STAG2: variants seen among roughly 807,000 people sequenced by gnomAD.
STAG2 encodes the protein STAG2 cohesin complex component.
Under a neutral mutation model 108.1 loss-of-function variants are expected in STAG2, and 14 were observed. The observed-to-expected ratio is 0.13, with a 90% confidence interval of 0.09 to 0.20. The LOEUF is 0.20. Ranked by LOEUF, STAG2 falls within the 10% of genes least tolerant of loss-of-function variation. The pLI is 1.00. For missense variants in STAG2, 440 were observed against 940.9 expected, an observed-to-expected ratio of 0.47 and a Z score of 6.96; for synonymous variants, 307 against 302.7, an observed-to-expected ratio of 1.01 and a Z score of -0.15.
At chrX:124,087,053 G>A (rs1314524584) in intron 30 of STAG2, among the ~76,000 whole-genome samples, 1 of 112,166 alleles carries the variant, frequency 8.9e-6, no homozygotes, top group Non-Finnish European at 1.9e-5. Context: ...CAGTTTCACT[G>A]TAGAGTGCCT....
At chrX:123,970,122 A>T (rs1381537047) in intron 1 of STAG2, among the ~76,000 whole-genome samples, 2 of 108,801 alleles carry the variant, frequency 1.8e-5, no homozygotes, top group East Asian at 5.7e-4. Flanking sequence ...GTTTATATTG[A>T]TCATTCCTTT....
intron 1 of STAG2, among the ~76,000 whole-genome samples, chrX:124,011,139 G>C (rs1189605554): frequency 2.7e-5 from 3 of 111,377 alleles, no homozygotes; most frequent in Non-Finnish European, 5.7e-5. Context: ...AGTTTTTGAT[G>C]CTGTTGTAAA....
At position 124,101,520 on chromosome X, in the gene STAG2, C is replaced by T. The variant is rs1373417199; in HGVS notation, c.*923C>T. 1.3e-5 allele frequency: 2 copies of T among 150,340 alleles called. No individual in the cohort carries two copies. The highest frequency in any genetic ancestry group is 3.1e-5 in the African/African-American group (1 of 32,162). The allele number at this position is 150,340 out of a possible 1,213,427, so 12.4% of individuals were successfully genotyped here. A position where few individuals can be genotyped will look rare whatever the true frequency, so the allele number is the denominator to read the frequency against. Reference sequence around the variant, plus strand: ...TAAATTGGTGCTGATTTTATAATTGCGCAGTTTGTTTAGTTTTTTCTTACT... The same window carrying T: ...TAAATTGGTGCTGATTTTATAATTGTGCAGTTTGTTTAGTTTTTTCTTACT... On this transcript the variant is annotated 3_prime_UTR_variant, in exon 35 of 35. Transcript: ENST00000371145.
At position 124,025,885 on chromosome X, in the gene STAG2, C is replaced by T. The variant is rs1255264404; in HGVS notation, c.90C>T (p.Ile30=). 6 of 1,185,978 alleles carry T rather than the reference C, an allele frequency of 5.1e-6. No homozygotes were observed. Among genetic ancestry groups the T allele is most frequent in the East Asian group, 3.1e-5 (1 of 32,461 alleles). The part of the protein sequence containing the change: ...HFSSDTDFED[I]EGKNQKQGKG... ...CTTCTGACACAGATTTTGAAGATATCGAAGGAAAAAACCAAAAGCAAGGCA... is the reference window on the plus strand; with the variant it reads ...CTTCTGACACAGATTTTGAAGATATTGAAGGAAAAAACCAAAAGCAAGGCA... The change falls in exon 4 of 35, where the codon ATC becomes ATT. Residue 30 remains isoleucine, a synonymous_variant. Coordinates refer to ENST00000371145, the MANE Select transcript of STAG2 (RefSeq NM_001042750.2).
In STAG2 at chrX:124,084,185, A is replaced by T. The variant is rs180902197; in HGVS notation, c.3053+636A>T. On this transcript the variant is annotated intron_variant, in intron 29 of 34. Transcript: ENST00000371145. The stretch of plus-strand genomic sequence containing the variant: ...CTCATATTGTAAATAATCTTGTCTG[A>T]AAACTCACTAGTATTTTGCATTTAA... Among the ~76,000 whole-genome samples the T allele has an allele frequency of 3.1e-3, 342 of 111,882 alleles. 2 individuals are homozygous for T. The highest frequency in any genetic ancestry group is 0.011 in the African/African-American group (332 of 30,830).
intron 25 of STAG2, among the ~76,000 whole-genome samples, chrX:124,073,801 C>A (rs2058733485): frequency 9.0e-6 from 1 of 111,364 alleles, no homozygotes; most frequent in Admixed American, 9.6e-5. Flanking sequence ...CATAACCATT[C>A]CATCAGTCTT....
At chrX:124,076,174 T>TA (rs1224092049) in intron 25 of STAG2, among the ~76,000 whole-genome samples, 158 bp from the exon 26 acceptor site, 1 of 112,274 alleles carries the variant, frequency 8.9e-6, no homozygotes, top group Non-Finnish European at 1.9e-5. Flanking sequence ...CACAAAAATT[T>TA]AGTCTATTGG....
chrX:124,076,259 A>G, intron 25 of STAG2, 73 bp from the exon 26 acceptor site: 1 of 971,895 alleles, frequency 1.0e-6, no homozygotes, highest in East Asian at 3.1e-5. Context: ...AGCATGTTTC[A>G]TAGTGAGAAT....
At chrX:124,053,388 T>A (rs1446193498) in intron 13 of STAG2, among the ~76,000 whole-genome samples, 3 of 111,646 alleles carry the variant, frequency 2.7e-5, no homozygotes, top group Non-Finnish European at 5.6e-5. Context: ...GAAAACTCAG[T>A]ATTTAAAGGC....
chrX:124,074,835 A>G (rs1241590769), intron 25 of STAG2, among the ~76,000 whole-genome samples: 1 of 112,119 alleles, frequency 8.9e-6, no homozygotes, highest in Non-Finnish European at 1.9e-5. Flanking sequence ...AAAACTCTGA[A>G]TATCATAGGA....
chrX:124,084,230 A>G (rs1273625447), intron 29 of STAG2, among the ~76,000 whole-genome samples: 3 of 112,183 alleles, frequency 2.7e-5, no homozygotes, highest in Non-Finnish European at 5.6e-5. Flanking sequence ...ATTTTATATG[A>G]AATTCTAAAG....
At chrX:123,967,077 G>A (rs781248586) in intron 1 of STAG2, among the ~76,000 whole-genome samples, 1 of 109,118 alleles carries the variant, frequency 9.2e-6, no homozygotes, top group Non-Finnish European at 1.9e-5. Flanking sequence ...TAGAGACAGA[G>A]TTTCACCATG....
At position 123,995,925 on chromosome X, in the gene STAG2, G is replaced by A. The variant is rs774101810; in HGVS notation, c.-162-25442G>A. On this transcript the variant is annotated intron_variant, in intron 1 of 34. Transcript: ENST00000371145. Reference sequence around the variant, plus strand: ...TGTTTTGAGTAACAAGGGATTTATTGAAAATGTATGCTTGGTTCCTGAGAT... The same window carrying A: ...TGTTTTGAGTAACAAGGGATTTATTAAAAATGTATGCTTGGTTCCTGAGAT... Among the ~76,000 whole-genome samples the A allele has an allele frequency of 4.5e-5, 5 of 111,719 alleles. No individual in the cohort carries two copies. In the South Asian group the frequency reaches 1.9e-3, roughly 41 times the overall value.
chrX:124,034,606 T>C (rs1458688370), intron 5 of STAG2, among the ~76,000 whole-genome samples: 1 of 111,560 alleles, frequency 9.0e-6, no homozygotes, highest in African/African-American at 3.3e-5. Flanking sequence ...TTTGTTTTTC[T>C]TGTTGTTTGC....
chrX:123,982,963 T>C (rs2054962393), intron 1 of STAG2, among the ~76,000 whole-genome samples: 2 of 111,343 alleles, frequency 1.8e-5, no homozygotes, highest in Admixed American at 9.6e-5. Context: ...ACTGAAGTTA[T>C]ATTGTTTTCT....
chrX:123,981,045 T>C (rs554797530), intron 1 of STAG2, among the ~76,000 whole-genome samples: 1 of 111,521 alleles, frequency 9.0e-6, no homozygotes, highest in African/African-American at 3.3e-5. Context: ...TTTTTCTGCT[T>C]CTTGAGAGAA....
intron 15 of STAG2, among the ~76,000 whole-genome samples, chrX:124,058,738 TA>T (rs954415927): frequency 8.9e-6 from 1 of 112,148 alleles, no homozygotes; most frequent in African/African-American, 3.2e-5. Flanking sequence ...GATGTAGACT[TA>T]AACTAGTCTC....
chrX:124,047,623 C>G, intron 9 of STAG2, 118 bp downstream of exon 9: 1 of 622,163 alleles, frequency 1.6e-6, no homozygotes, highest in Admixed American at 3.9e-5. Context: ...ATGTAAATAA[C>G]ATTTCAAACT....
chrX:123,968,719 T>G (rs1336291272), intron 1 of STAG2, among the ~76,000 whole-genome samples: 1 of 112,288 alleles, frequency 8.9e-6, no homozygotes, highest in East Asian at 2.8e-4. Context: ...CAAGTCCTAT[T>G]TACATTTTTG....
Sources: gnomAD v4.1 joint callset for allele counts (sites outside exome capture counted in the v4.1 genomes callset) on GRCh38, gnomAD v4.1.1 for gene constraint, MANE v1.5 for transcripts, NCBI Gene and HGNC (gene_info 2026-07-23, HGNC 2026-07-21) for gene names.